Variants in TAFA2 observed in about 807,000 individuals in gnomAD.
The protein encoded by TAFA2 is chemokine-like protein TAFA-2.
A neutral mutation model predicts 18.8 loss-of-function variants in TAFA2; 7 were observed. The ratio of observed to expected loss-of-function variants is 0.37; its 90% CI spans 0.21 to 0.70. TAFA2 has a LOEUF of 0.70. Among genes scored for constraint, TAFA2 ranks in the 30% least tolerant of loss-of-function variants. The probability of loss-of-function intolerance (pLI) is 0.53; values close to 1 mark genes in which losing one functional copy is unlikely to be tolerated. For missense variants in TAFA2, 122 were observed against 158.1 expected (o/e 0.77, Z 1.23); for synonymous variants, 60 against 54.2 (o/e 1.11, Z -0.47).
intron 4 of TAFA2, among the ~76,000 whole-genome samples, chr12:61,722,889 C>A (rs1869971666): frequency 6.6e-6 from 1 of 152,162 alleles, no homozygotes; most frequent in South Asian, 2.1e-4. Flanking sequence ...CCACCATCAT[C>A]CTGAAAAGAA....
intron 1 of TAFA2, among the ~76,000 whole-genome samples, chr12:62,205,265 G>T (rs1240985089): frequency 6.6e-6 from 1 of 152,210 alleles, no homozygotes; most frequent in Non-Finnish European, 1.5e-5. Context: ...CCTGTGTAAG[G>T]TGTCTGGTGA....
chr12:61,971,494 A>G (rs542054693), intron 1 of TAFA2, among the ~76,000 whole-genome samples: 1 of 151,228 alleles, frequency 6.6e-6, no homozygotes, highest in African/African-American at 2.4e-5. Context: ...TAATAAAAAA[A>G]AGAAAAAAAG....
intron 1 of TAFA2, among the ~76,000 whole-genome samples, chr12:62,081,203 A>G (rs1280627293): frequency 3.3e-5 from 5 of 152,286 alleles, no homozygotes; most frequent in African/African-American, 1.2e-4. Context: ...TCACAAAAAA[A>G]ATTCCCCTAT....
chr12:61,982,221 T>C (rs1879658165), intron 1 of TAFA2, among the ~76,000 whole-genome samples: 1 of 151,988 alleles, frequency 6.6e-6, no homozygotes, highest in South Asian at 2.1e-4. Context: ...TTCTCACTCA[T>C]AGGTGGGAAA....
At chr12:61,869,384 C>A (rs1398674238) in intron 1 of TAFA2, among the ~76,000 whole-genome samples, 2 of 152,160 alleles carry the variant, frequency 1.3e-5, no homozygotes, top group African/African-American at 2.4e-5. Context: ...TAACACTATG[C>A]ATAGCAAATA....
chr12:61,737,761 T>G (rs972396888), intron 4 of TAFA2, among the ~76,000 whole-genome samples: 3 of 151,834 alleles, frequency 2.0e-5, no homozygotes, highest in Non-Finnish European at 4.4e-5. Context: ...TTTATTTGCT[T>G]AAAATTATCA....
intron 1 of TAFA2, among the ~76,000 whole-genome samples, chr12:62,190,030 G>A (rs1308534382): frequency 6.6e-6 from 1 of 151,314 alleles, no homozygotes; most frequent in Non-Finnish European, 1.5e-5. Context: ...TAAAATCCAA[G>A]AGGGGATTTC....
At chr12:61,771,394 A>G (rs1054916504) in intron 2 of TAFA2, among the ~76,000 whole-genome samples, 1 of 152,110 alleles carries the variant, frequency 6.6e-6, no homozygotes, top group African/African-American at 2.4e-5. Context: ...ACAGATATTT[A>G]CAGAACACTC....
intron 1 of TAFA2, among the ~76,000 whole-genome samples, chr12:62,226,502 T>A (rs1384444682): frequency 6.6e-6 from 1 of 152,144 alleles, no homozygotes; most frequent in Non-Finnish European, 1.5e-5. Context: ...CGGCCTTGAT[T>A]ACTCTTTTAA....
intron 1 of TAFA2, among the ~76,000 whole-genome samples, chr12:61,949,231 T>C (rs963749980): frequency 2.6e-5 from 4 of 152,144 alleles, no homozygotes; most frequent in Non-Finnish European, 4.4e-5. Context: ...CATGTTCTGC[T>C]TGACTGTGTG....
chr12:61,855,241 C>A (rs11614225), intron 2 of TAFA2, among the ~76,000 whole-genome samples: 43,754 of 152,050 alleles, frequency 0.29, 6,898 homozygotes, highest in South Asian at 0.39. Flanking sequence ...TCAGCCATAG[C>A]AAAGTATGTT....
intron 1 of TAFA2, among the ~76,000 whole-genome samples, chr12:61,973,346 A>T (rs1251920196): frequency 1.3e-5 from 2 of 151,362 alleles, no homozygotes; most frequent in African/African-American, 2.4e-5. Context: ...GGATGACTAC[A>T]TGTTGCAAAC....
intron 1 of TAFA2, among the ~76,000 whole-genome samples, chr12:62,148,996 G>A (rs950415363): frequency 6.6e-6 from 1 of 152,132 alleles, no homozygotes; most frequent in African/African-American, 2.4e-5. Flanking sequence ...AGGTTCACCT[G>A]GAATTCTTTT....
intron 1 of TAFA2, among the ~76,000 whole-genome samples, chr12:62,059,536 T>C (rs1462191865): frequency 6.7e-6 from 1 of 148,280 alleles, no homozygotes; most frequent in African/African-American, 2.5e-5. Context: ...AGTTTAGCAG[T>C]GGGGCGGGGC....
chr12:62,086,195 CA>C (rs534135418), intron 1 of TAFA2, among the ~76,000 whole-genome samples: 132 of 138,828 alleles, frequency 9.5e-4, no homozygotes, highest in East Asian at 3.2e-3. Flanking sequence ...AAAACAAAAA[CA>C]AAAAAAAAAA....
intron 1 of TAFA2, among the ~76,000 whole-genome samples, chr12:62,077,068 G>T (rs896295152): frequency 1.3e-5 from 2 of 152,118 alleles, no homozygotes; most frequent in African/African-American, 4.8e-5. Flanking sequence ...TCTAATCCTA[G>T]ATAATTATTT....
intron 4 of TAFA2, among the ~76,000 whole-genome samples, chr12:61,735,249 A>T (rs1868284618): frequency 1.3e-5 from 2 of 151,982 alleles, no homozygotes; most frequent in Admixed American, 1.3e-4. Context: ...CATAGTGTAT[A>T]TCTTTCCCAT....
chr12:61,967,427 T>C (rs905700284), intron 1 of TAFA2, among the ~76,000 whole-genome samples: 3 of 151,844 alleles, frequency 2.0e-5, no homozygotes, highest in Non-Finnish European at 2.9e-5. Context: ...GAGAATCTCA[T>C]AGCCATTCAT....
chr12:61,730,561 G>A (rs570587532), intron 4 of TAFA2, among the ~76,000 whole-genome samples: 2 of 152,146 alleles, frequency 1.3e-5, no homozygotes, highest in South Asian at 4.1e-4. Flanking sequence ...TCTGATCTCA[G>A]ACTCTCCATG....
Sources: gnomAD v4.1 joint callset for allele counts (sites outside exome capture counted in the v4.1 genomes callset) on GRCh38, gnomAD v4.1.1 for gene constraint, MANE v1.5 for transcripts, NCBI Gene and HGNC (gene_info 2026-07-23, HGNC 2026-07-21) for gene names.